Variants in MIS18A observed in about 807,000 individuals in gnomAD.
The protein encoded by MIS18A is protein Mis18-alpha.
In MIS18A, 14 loss-of-function variants were observed where a neutral mutation model predicts 25.0. That is an observed-to-expected ratio of 0.56 (90% CI 0.37 to 0.88). MIS18A has a LOEUF of 0.88. Ranked by LOEUF, MIS18A falls within the 40% of genes least tolerant of loss-of-function variation. The pLI is 0.00. For synonymous variants in MIS18A, 134 were observed against 118.6 expected, an observed-to-expected ratio of 1.13 and a Z score of -0.84; for missense variants, 292 against 290.8, an observed-to-expected ratio of 1.00 and a Z score of -0.03.
the MIS18A span, among the ~76,000 whole-genome samples, chr21:32,190,331 G>A: frequency 1.3e-5 from 2 of 152,128 alleles, no homozygotes; most frequent in African/African-American, 4.8e-5. Flanking sequence ...CTGTTCTACA[G>A]AGAAAAATGA....
At chr21:32,171,008 A>T in the MIS18A span, among the ~76,000 whole-genome samples, 1 of 152,120 alleles carries the variant, frequency 6.6e-6, no homozygotes, top group Non-Finnish European at 1.5e-5. Flanking sequence ...GGCATCTAGG[A>T]AAAAACCTAC....
the MIS18A span, among the ~76,000 whole-genome samples, chr21:32,160,594 T>C: frequency 6.6e-6 from 1 of 151,730 alleles, no homozygotes; most frequent in South Asian, 2.1e-4. Context: ...GTGGGACAAC[T>C]CTAAGCAGGG....
the MIS18A span, among the ~76,000 whole-genome samples, chr21:32,201,093 T>C: frequency 5.3e-5 from 8 of 152,030 alleles, no homozygotes; most frequent in African/African-American, 1.9e-4. Context: ...AAGTTTACAA[T>C]TGTGGCGGAA....
the MIS18A span, among the ~76,000 whole-genome samples, chr21:32,238,162 A>G: frequency 6.6e-6 from 1 of 152,084 alleles, no homozygotes; most frequent in Non-Finnish European, 1.5e-5. Context: ...ATTTCACCCA[A>G]CCCCTGTGTC....
chr21:32,218,256 C>G, the MIS18A span, among the ~76,000 whole-genome samples: 2 of 144,312 alleles, frequency 1.4e-5, no homozygotes, highest in East Asian at 4.2e-4. Context: ...TGCACCTAAA[C>G]TACAAGAAAT....
the MIS18A span, among the ~76,000 whole-genome samples, chr21:32,258,834 T>TTTTA: frequency 0.023 from 3,242 of 140,786 alleles, 62 homozygotes; most frequent in Admixed American, 0.043. Context: ...AGGGTCTGCA[T>TTTTA]TTTATTTATT....
chr21:32,222,636 A>G, the MIS18A span, among the ~76,000 whole-genome samples: 1 of 152,146 alleles, frequency 6.6e-6, no homozygotes, highest in African/African-American at 2.4e-5. Flanking sequence ...GGATTAAGAA[A>G]CTCACTCAAA....
the MIS18A span, among the ~76,000 whole-genome samples, chr21:32,238,143 C>G: frequency 6.6e-6 from 1 of 152,174 alleles, no homozygotes; most frequent in African/African-American, 2.4e-5. Context: ...TTCTAAAGCC[C>G]CATCATAGAT....
chr21:32,264,210 G>C (rs2031554911), downstream of MIS18A, among the ~76,000 whole-genome samples: 1 of 151,990 alleles, frequency 6.6e-6, no homozygotes, highest in South Asian at 2.1e-4. Context: ...CCCCAAATTT[G>C]CATATAAAAA....
the MIS18A span, among the ~76,000 whole-genome samples, chr21:32,194,321 T>C: frequency 6.8e-6 from 1 of 146,418 alleles, no homozygotes; most frequent in African/African-American, 2.6e-5. Flanking sequence ...ATATTGCATA[T>C]ATATATATTC....
the MIS18A span, chr21:32,156,360 A>G: frequency 1.3e-5 from 2 of 151,762 alleles, no homozygotes; most frequent in African/African-American, 2.4e-5. Context: ...GCAAGCCAGT[A>G]AATGCCCCAT....
intron 2 of MIS18A, 48 bp from the exon 3 acceptor site, chr21:32,270,577 T>C: frequency 1.4e-6 from 2 of 1,473,366 alleles, no homozygotes; most frequent in South Asian, 3.0e-5. Context: ...AGCAACTCAT[T>C]ATAATAAAAA....
chr21:32,256,086 A>G, the MIS18A span, among the ~76,000 whole-genome samples: 1 of 152,128 alleles, frequency 6.6e-6, no homozygotes, highest in African/African-American at 2.4e-5. Flanking sequence ...TTCTTCAGGA[A>G]ACAGAAGATT....
At chr21:32,269,165 A>T in intron 4 of MIS18A, 48 bp from the exon 5 acceptor site, 3 of 1,273,778 alleles carry the variant, frequency 2.4e-6, no homozygotes, top group Non-Finnish European at 3.3e-6. Flanking sequence ...CATATAATTA[A>T]AAATTATACA....
At chr21:32,201,261 C>G in the MIS18A span, among the ~76,000 whole-genome samples, 2 of 151,980 alleles carry the variant, frequency 1.3e-5, no homozygotes, top group Admixed American at 1.3e-4. Context: ...CACTTCCCAC[C>G]AGGCCCCACC....
the MIS18A span, among the ~76,000 whole-genome samples, chr21:32,160,933 T>A: frequency 6.6e-6 from 1 of 152,044 alleles, no homozygotes; most frequent in Non-Finnish European, 1.5e-5. Flanking sequence ...GCCCGGCCAG[T>A]TGCATTCTTT....
chr21:32,187,295 C>G, the MIS18A span, among the ~76,000 whole-genome samples: 1 of 152,140 alleles, frequency 6.6e-6, no homozygotes, highest in African/African-American at 2.4e-5. Context: ...GAACTTAGGA[C>G]ATTTGCCTCC....
the MIS18A span, among the ~76,000 whole-genome samples, chr21:32,171,365 A>G: frequency 2.0e-5 from 3 of 152,122 alleles, no homozygotes; most frequent in African/African-American, 7.2e-5. Flanking sequence ...AAACTGTTTG[A>G]AAAACATTTT....
the MIS18A span, among the ~76,000 whole-genome samples, chr21:32,178,490 C>G: frequency 1.3e-5 from 2 of 152,032 alleles, no homozygotes; most frequent in Non-Finnish European, 2.9e-5. Context: ...TAATAAATGT[C>G]TACTTACTAA....
Sources: gnomAD v4.1 joint callset for allele counts (sites outside exome capture counted in the v4.1 genomes callset) on GRCh38, gnomAD v4.1.1 for gene constraint, MANE v1.5 for transcripts, NCBI Gene and HGNC (gene_info 2026-07-23, HGNC 2026-07-21) for gene names.